The following DPP10 variants were observed in gnomAD, a reference collection of about 807,000 sequenced individuals.
DPP10 encodes the protein inactive dipeptidyl peptidase 10.
In DPP10, 33 loss-of-function variants were observed where a neutral mutation model predicts 120.9. That is an observed-to-expected ratio of 0.27 (90% CI 0.21 to 0.37). The LOEUF is 0.37. Ranked by LOEUF, DPP10 falls within the 10% of genes least tolerant of loss-of-function variation. The pLI is 1.00. For missense variants in DPP10, 816 were observed against 942.8 expected (o/e 0.87, Z 1.76); for synonymous variants, 337 against 326.1 (o/e 1.03, Z -0.36).
chr2:114,939,421 C>G (rs2104554600), intron 1 of DPP10, among the ~76,000 whole-genome samples: 1 of 152,150 alleles, frequency 6.6e-6, no homozygotes, highest in East Asian at 1.9e-4. Flanking sequence ...CCTCCATTTA[C>G]TATCTTGTTT....
intron 2 of DPP10, among the ~76,000 whole-genome samples, chr2:115,331,298 C>T (rs1299246086): frequency 6.6e-6 from 1 of 152,160 alleles, no homozygotes; most frequent in African/African-American, 2.4e-5. Flanking sequence ...GCTGAAGTTG[C>T]TTATCAGCTT....
At position 114,515,808 on chromosome 2, in the gene DPP10, C is replaced by CT. The variant is rs35011383; in HGVS notation, c.60+72981dup. On this transcript the variant is annotated intron_variant, in intron 1 of 25. Coordinates refer to ENST00000410059, the MANE Select transcript of DPP10 (RefSeq NM_020868.6). Reference sequence around the variant, plus strand: ...TATAACATCTACATCTCATATCAACCTTTTTTTTTTTCTAGAATTATTCTA... The same window carrying CT: ...TATAACATCTACATCTCATATCAACCTTTTTTTTTTTTCTAGAATTATTCTA... Among the ~76,000 whole-genome samples, 225 of 148,552 alleles carry CT rather than the reference C, an allele frequency of 1.5e-3. 3 individuals are homozygous for CT. The highest frequency in any genetic ancestry group is 5.1e-3 in the African/African-American group (205 of 40,462).
chr2:115,564,986 G>C (rs865907084), intron 5 of DPP10, among the ~76,000 whole-genome samples: 6 of 152,088 alleles, frequency 3.9e-5, no homozygotes, highest in African/African-American at 1.2e-4. Flanking sequence ...GAGGGTGAGT[G>C]ATTACTGGAG....
chr2:115,609,132 G>A (rs1232919150), intron 5 of DPP10, among the ~76,000 whole-genome samples: 1 of 152,108 alleles, frequency 6.6e-6, no homozygotes, highest in Non-Finnish European at 1.5e-5. Context: ...TGAAAACAGA[G>A]GATGGAATCT....
At chr2:114,883,529 G>A (rs555058462) in intron 1 of DPP10, among the ~76,000 whole-genome samples, 22 of 152,208 alleles carry the variant, frequency 1.4e-4, no homozygotes, top group African/African-American at 3.6e-4. Context: ...GCTCATTTCA[G>A]TTCATTTGGC....
At chr2:115,388,015 A>G (rs377137425) in intron 3 of DPP10, among the ~76,000 whole-genome samples, 7 of 152,198 alleles carry the variant, frequency 4.6e-5, no homozygotes, top group African/African-American at 1.7e-4. Context: ...GAAAGCACCT[A>G]CACATGTGCA....
chr2:115,798,357 A>C (rs1375572781), intron 19 of DPP10, among the ~76,000 whole-genome samples: 1 of 152,058 alleles, frequency 6.6e-6, no homozygotes, highest in East Asian at 1.9e-4. Flanking sequence ...ATGACTTTGA[A>C]AGGTGAAGTT....
chr2:115,355,109 C>G (rs2064286542), intron 3 of DPP10, among the ~76,000 whole-genome samples: 1 of 152,102 alleles, frequency 6.6e-6, no homozygotes, highest in Non-Finnish European at 1.5e-5. Flanking sequence ...GGTTCTAGAT[C>G]CTTGAGGAAT....
At chr2:114,755,871 G>C (rs768383873) in intron 1 of DPP10, among the ~76,000 whole-genome samples, 1 of 148,402 alleles carries the variant, frequency 6.7e-6, no homozygotes, top group Non-Finnish European at 1.5e-5. Flanking sequence ...TTCCTTTTAA[G>C]ACCAATTGAA....
chr2:115,718,865 G>A (rs927161400), intron 7 of DPP10, among the ~76,000 whole-genome samples: 1 of 152,136 alleles, frequency 6.6e-6, no homozygotes, highest in Non-Finnish European at 1.5e-5. Context: ...AGAAAGTTGG[G>A]TAGAGAAGAA....
At chr2:115,005,111 G>C (rs941075942) in intron 1 of DPP10, among the ~76,000 whole-genome samples, 7 of 151,168 alleles carry the variant, frequency 4.6e-5, no homozygotes, top group Non-Finnish European at 8.8e-5. Context: ...GGGGCACACT[G>C]ACACCTCACA....
intron 1 of DPP10, among the ~76,000 whole-genome samples, chr2:114,918,796 G>C (rs1187690577): frequency 6.6e-6 from 1 of 152,148 alleles, no homozygotes; most frequent in African/African-American, 2.4e-5. Flanking sequence ...AATTACTTAA[G>C]GGTGCAGGGT....
intron 2 of DPP10, among the ~76,000 whole-genome samples, chr2:115,332,720 T>C (rs2062831932): frequency 6.6e-6 from 1 of 152,210 alleles, no homozygotes; most frequent in South Asian, 2.1e-4. Context: ...TCAGTTTCCA[T>C]GTAGTTGAGC....
intron 1 of DPP10, among the ~76,000 whole-genome samples, chr2:114,625,242 A>C (rs549441562): frequency 1.3e-5 from 2 of 152,088 alleles, no homozygotes; most frequent in African/African-American, 4.8e-5. Context: ...AGTTTCACCA[A>C]GTGCAGATTT....
intron 19 of DPP10, among the ~76,000 whole-genome samples, chr2:115,803,793 G>A (rs1462013688): frequency 1.3e-5 from 2 of 152,140 alleles, no homozygotes; most frequent in Non-Finnish European, 2.9e-5. Context: ...TTTCTGCCGA[G>A]AGATCCGCTG....
intron 3 of DPP10, among the ~76,000 whole-genome samples, chr2:115,466,833 G>A (rs931568612): frequency 2.0e-5 from 3 of 152,098 alleles, no homozygotes; most frequent in South Asian, 2.1e-4. Context: ...CAGGTAAAAT[G>A]GTGGTTAATA....
At chr2:115,173,628 AT>A in intron 1 of DPP10, among the ~76,000 whole-genome samples, 1 of 152,334 alleles carries the variant, frequency 6.6e-6, no homozygotes. Flanking sequence ...GTAGGCACAT[AT>A]TAAATGACCT....
chr2:114,862,697 T>C (rs895233726), intron 1 of DPP10, among the ~76,000 whole-genome samples: 2 of 152,050 alleles, frequency 1.3e-5, no homozygotes, highest in Admixed American at 6.6e-5. Context: ...AGATAATCAG[T>C]TGGAAAAGGA....
At chr2:115,754,508 A>G (rs114150937) in intron 11 of DPP10, among the ~76,000 whole-genome samples, 8 of 152,234 alleles carry the variant, frequency 5.3e-5, no homozygotes, top group African/African-American at 1.9e-4. Flanking sequence ...CCCAGAAAGA[A>G]AGCACATTAG....
Sources: allele counts gnomAD v4.1 joint callset (sites outside exome capture counted in the v4.1 genomes callset), GRCh38; gene constraint gnomAD v4.1.1; transcripts MANE v1.5; gene names NCBI Gene and HGNC (gene_info 2026-07-23, HGNC 2026-07-21).